Variants in TASOR observed in about 807,000 individuals in gnomAD.
The protein encoded by TASOR is protein TASOR.
A neutral mutation model predicts 178.6 loss-of-function variants in TASOR; 53 were observed. The ratio of observed to expected loss-of-function variants is 0.30; its 90% CI spans 0.24 to 0.37. The LOEUF (loss-of-function observed/expected upper bound fraction) is 0.37, where lower values mean the gene tolerates loss of function less well. Ranked by LOEUF, TASOR falls within the 10% of genes least tolerant of loss-of-function variation. The pLI is 1.00. For synonymous variants in TASOR, 713 were observed against 696.2 expected, an observed-to-expected ratio of 1.02 and a Z score of -0.38; for missense variants, 1,815 against 1,971.4, an observed-to-expected ratio of 0.92 and a Z score of 1.50.
Position 56,671,221 on chromosome 3 carries a change from C to G in TASOR, c.570+379G>C, listed in dbSNP as rs185738545. ...AGGTGTGGGGGGGTGTTTCTGTAAC[C>G]CCATGTACTTGGGAGGCTGAGGCAG... On this transcript the variant is annotated intron_variant, in intron 3 of 23. Coordinates refer to ENST00000683822, the MANE Select transcript of TASOR (RefSeq NM_001365635.2). 1.4e-3 allele frequency: 232 copies of G among 160,336 alleles called. 1 individual carries two copies. The highest frequency in any genetic ancestry group is 5.3e-3 in the African/African-American group (222 of 41,520). 9.9% of individuals were successfully genotyped at this position (160,336 alleles called of 1,614,324 possible).
chr3:56,646,906 C>T lies in TASOR; in HGVS notation c.1831G>A (p.Val611Met), dbSNP rs2077248900. ...AATTTACAAATAGGTAACTGATACA[C>T]TTCAGGCCGAAAAATATAGGCATGC... ...CLHAYIFRPE[V>M]YQLPICKLKE... Residue 611 changes from valine to methionine, a missense_variant, in exon 14 of 24, where the codon GTG (valine) becomes ATG (methionine). Around this residue, in one of 5 missense-constraint regions of TASOR, gnomAD observed 504 missense variants for 645.3 expected, o/e 0.78. Coordinates refer to ENST00000683822, the MANE Select transcript of TASOR (RefSeq NM_001365635.2). 3.7e-6 allele frequency: 6 copies of T among 1,611,654 alleles called. No homozygotes were observed. Among genetic ancestry groups the T allele is most frequent in the South Asian group, 1.1e-5 (1 of 89,978 alleles).
chr3:56,671,074 C>A (rs1402495897), intron 3 of TASOR, among the ~76,000 whole-genome samples: 1 of 151,758 alleles, frequency 6.6e-6, no homozygotes, highest in Non-Finnish European at 1.5e-5. Context: ...GGCGCGGTGG[C>A]TCACACCTGT....
Position 56,669,779 on chromosome 3 carries a change from G to C in TASOR, c.656C>G (p.Ser219Cys). The stretch of plus-strand genomic sequence containing the variant: ...CGCTTGTAATAAATCAGCATACCTA[G>C]AAAGATAGACACCTAGAAAAGACGG... ...LGSPSMGVYL[S>C]RYADLLQANP... is the part of the protein sequence containing the mutation. The change falls in exon 5 of 24, where the codon TCT (serine) becomes TGT (cysteine). Residue 219 changes from serine (S) to cysteine (C), a missense_variant. By Grantham distance (112) the Ser-to-Cys change is moderately radical. Around this residue, in one of 5 missense-constraint regions of TASOR, gnomAD observed 504 missense variants for 645.3 expected, o/e 0.78. Transcript: ENST00000683822. The C allele has an allele frequency of 6.5e-7, 1 of 1,545,796 alleles. No homozygotes were observed. Among genetic ancestry groups the C allele is most frequent in the South Asian group, 1.2e-5 (1 of 82,380 alleles).
chr3:56,658,777 C>G (rs561016323), intron 11 of TASOR, among the ~76,000 whole-genome samples: 3 of 152,060 alleles, frequency 2.0e-5, no homozygotes, highest in Non-Finnish European at 4.4e-5. Context: ...TGTCGTGGCA[C>G]ATGCCTCTAA....
chr3:56,628,617 G>C lies in TASOR; in HGVS notation c.3748-3C>G. On this transcript the variant is annotated splice_polypyrimidine_tract_variant and splice_region_variant and intron_variant, in intron 18 of 23. Coordinates refer to ENST00000683822, the MANE Select transcript of TASOR (RefSeq NM_001365635.2). ...TTGCCTAATTTGATAAGATATTCCT[G>C]TTAAAGAAAAACAACTAAATCAATA... is the stretch of plus-strand genomic sequence containing the variant. 1 of 1,526,564 alleles carries C rather than the reference G, an allele frequency of 6.6e-7. No individual in the cohort carries two copies. The allele number at this position is 1,526,564 out of a possible 1,614,324, so 94.6% of individuals were successfully genotyped here. A position where few individuals can be genotyped will look rare whatever the true frequency, so the allele number is the denominator to read the frequency against.
Position 56,647,077 on chromosome 3 carries a change from C to A in TASOR, c.1660G>T (p.Val554Phe), listed in dbSNP as rs753613082. 2.5e-6 allele frequency: 4 copies of A among 1,606,962 alleles called. No homozygotes were observed. Among genetic ancestry groups the A allele is most frequent in the Non-Finnish European group, 3.4e-6 (4 of 1,178,442 alleles). Residue 554 changes from valine to phenylalanine, a missense_variant, in exon 14 of 24, where the codon GTT becomes TTT. By Grantham distance (50) the Val-to-Phe change is conservative (BLOSUM62 -1). Around this residue, in one of 5 missense-constraint regions of TASOR, gnomAD observed 504 missense variants for 645.3 expected, o/e 0.78. Coordinates refer to ENST00000683822, the MANE Select transcript of TASOR (RefSeq NM_001365635.2). ...AAAAATTCACTTACATACTTTTCAA[C>A]AACAGAATGAAAATTTATGGCGCTT... ...NISAINFHSVVEKYVSEFFKR... is the reference protein window; with the variant it reads ...NISAINFHSVFEKYVSEFFKR...
At chr3:56,624,413 G>C in intron 23 of TASOR, 66 bp downstream of exon 23, 17 of 1,528,368 alleles carry the variant, frequency 1.1e-5, no homozygotes, top group Non-Finnish European at 1.4e-5. Context: ...TCATTATTTG[G>C]TAACAGCAAA....
chr3:56,667,807 G>A (rs2030220606), intron 6 of TASOR, among the ~76,000 whole-genome samples: 1 of 152,132 alleles, frequency 6.6e-6, no homozygotes, highest in Non-Finnish European at 1.5e-5. Context: ...AAAAACCATT[G>A]CTTTATAGTC....
rs531454275 is a variant in TASOR, at chr3:56,625,142, G to A, written c.4140-136C>T. 59 of 755,080 alleles carry A rather than the reference G, an allele frequency of 7.8e-5. No individual in the cohort carries two copies. The Admixed American group carries it at 1.6e-3, about 20-fold the overall frequency. 46.8% of individuals were successfully genotyped at this position (755,080 alleles called of 1,614,324 possible). A position where few individuals can be genotyped will look rare whatever the true frequency, so the allele number is the denominator to read the frequency against. ...GCACTGCTTTAGCTCTCTGCCTGAT[G>A]TAGGGGGTGTGCTTCTTTGGAAAGA... On this transcript the variant is annotated intron_variant, in intron 21 of 23. Coordinates refer to ENST00000683822, the MANE Select transcript of TASOR (RefSeq NM_001365635.2).
At chr3:56,632,983 T>G in intron 18 of TASOR, 61 bp downstream of exon 18, 5 of 1,316,444 alleles carry the variant, frequency 3.8e-6, no homozygotes, top group Non-Finnish European at 4.1e-6. Flanking sequence ...TTCCATTTTA[T>G]AGAGGTCACA....
intron 23 of TASOR, chr3:56,623,844 C>T: frequency 6.5e-7 from 1 of 1,550,276 alleles, no homozygotes; most frequent in South Asian, 1.2e-5. Context: ...AAAACAGCAT[C>T]TAAAGTTATA....
intron 7 of TASOR, 70 bp from the exon 8 acceptor site, chr3:56,663,642 G>A: frequency 8.2e-7 from 1 of 1,224,520 alleles, no homozygotes; most frequent in Non-Finnish European, 1.0e-6. Flanking sequence ...CATGTAAGAT[G>A]ATATAAGTGC....
Position 56,622,602 on chromosome 3 carries a change from A to C in TASOR, c.*435T>G, listed in dbSNP as rs2076712038. 6.5e-6 allele frequency: 1 copy of C among 152,920 alleles called. No individual in the cohort carries two copies. The highest frequency in any genetic ancestry group is 2.4e-5 in the African/African-American group (1 of 41,472). The allele number at this position is 152,920 out of a possible 1,614,324, so 9.5% of individuals were successfully genotyped here. ...GAGGTATCGAGCCAAAATCCTGTAA[A>C]TATTAACACTGCTATTACTGACTTA... On this transcript the variant is annotated 3_prime_UTR_variant, in exon 24 of 24. Transcript: ENST00000683822.
chr3:56,654,049 T>C (rs1303948359), intron 11 of TASOR, among the ~76,000 whole-genome samples: 2 of 152,118 alleles, frequency 1.3e-5, no homozygotes, highest in African/African-American at 4.8e-5. Flanking sequence ...GGCAGATCAC[T>C]TGAGCCCAGG....
intron 18 of TASOR, among the ~76,000 whole-genome samples, chr3:56,631,538 A>C (rs1413059256): frequency 6.6e-6 from 1 of 151,786 alleles, no homozygotes; most frequent in Non-Finnish European, 1.5e-5. Context: ...ATGTCTAAAC[A>C]TACAGACACA....
chr3:56,665,050 T>C (rs1225655971), intron 7 of TASOR, among the ~76,000 whole-genome samples: 1 of 152,112 alleles, frequency 6.6e-6, no homozygotes, highest in Non-Finnish European at 1.5e-5. Context: ...TGCATGCCTG[T>C]AGTCCCAGCT....
chr3:56,653,944 A>C (rs1288899997), intron 11 of TASOR, among the ~76,000 whole-genome samples: 1 of 152,192 alleles, frequency 6.6e-6, no homozygotes, highest in African/African-American at 2.4e-5. Flanking sequence ...TTCTGACTTA[A>C]AGACAGAAAT....
chr3:56,632,832 CTTG>C (rs1465204029), intron 18 of TASOR, among the ~76,000 whole-genome samples: 5 of 152,086 alleles, frequency 3.3e-5, no homozygotes, highest in Admixed American at 6.6e-5. Flanking sequence ...GAGACAATGT[CTTG>C]TTATGTTGCC....
At chr3:56,660,424 G>A (rs2077568705) in intron 11 of TASOR, among the ~76,000 whole-genome samples, 1 of 148,068 alleles carries the variant, frequency 6.8e-6, no homozygotes, top group African/African-American at 2.5e-5. Context: ...CAGGAAGGCG[G>A]AGATTACAGT....
Sources: allele counts gnomAD v4.1 joint callset (sites outside exome capture counted in the v4.1 genomes callset), GRCh38; gene constraint gnomAD v4.1.1; regional missense constraint gnomAD v4.1.1; transcripts MANE v1.5; gene names NCBI Gene and HGNC (gene_info 2026-07-23, HGNC 2026-07-21).